MED28: variants seen among roughly 807,000 people sequenced by gnomAD.
MED28 encodes mediator of RNA polymerase II transcription subunit 28.
A neutral mutation model predicts 21.3 loss-of-function variants in MED28; 26 were observed. The observed-to-expected ratio is 1.22, with a 90% confidence interval of 0.89 to 1.69. The LOEUF is 1.69. Ranked by LOEUF, MED28 falls within the 40% of genes most tolerant of loss-of-function variation. The probability of loss-of-function intolerance (pLI) is 0.00; values close to 1 mark genes in which losing one functional copy is unlikely to be tolerated. For synonymous variants in MED28, 110 were observed against 87.6 expected, an observed-to-expected ratio of 1.26 and a Z score of -1.43; for missense variants, 257 against 215.4, an observed-to-expected ratio of 1.19 and a Z score of -1.21.
Position 17,632,886 on chromosome 4 carries a change from A to G in MED28, c.*9088A>G, listed in dbSNP as rs1577237729. 2 of 313,394 alleles carry G rather than the reference A, an allele frequency of 6.4e-6. No individual in the cohort carries two copies. Among genetic ancestry groups the G allele is most frequent in the South Asian group, 4.1e-5 (1 of 24,422 alleles). The allele number at this position is 313,394 out of a possible 1,614,324, so 19.4% of individuals were successfully genotyped here. A position where few individuals can be genotyped will look rare whatever the true frequency, so the allele number is the denominator to read the frequency against. The stretch of plus-strand genomic sequence containing the variant: ...TTTGAGACTTAGTGGTTGTAGCTCT[A>G]ATAATGCAGGATTAACCAAACCTAC... On this transcript the variant is annotated 3_prime_UTR_variant, in exon 4 of 4. Coordinates refer to ENST00000237380, the MANE Select transcript of MED28 (RefSeq NM_025205.5).
In MED28 at chr4:17,620,689, TCTC is replaced by T. The variant is rs1483679671; in HGVS notation, c.226+723_226+725del. 4.9e-3 allele frequency among the ~76,000 whole-genome samples: 583 copies of T among 120,026 alleles called. 7 individuals are homozygous for T. Among genetic ancestry groups the T allele is most frequent in the African/African-American group, 0.018 (549 of 30,074 alleles). 78.7% of individuals were successfully genotyped at this position (120,026 alleles called of 152,430 possible). A position where few individuals can be genotyped will look rare whatever the true frequency, so the allele number is the denominator to read the frequency against. On this transcript the variant is annotated intron_variant, in intron 2 of 3. Transcript: ENST00000237380. ...TGCTGATTGCTGGATCTCTGCATTG[TCTC>T]TTTTTTTTTTTTTTTTTTTTTGGAG... is the stretch of plus-strand genomic sequence containing the variant.
chr4:17,620,516 A>G (rs995774048), intron 2 of MED28, among the ~76,000 whole-genome samples: 8 of 152,118 alleles, frequency 5.3e-5, no homozygotes, highest in African/African-American at 1.9e-4. Flanking sequence ...TATTTTTAGT[A>G]GAGACGGGGT....
At chr4:17,616,749 C>T (rs909613308) in intron 1 of MED28, among the ~76,000 whole-genome samples, 14 of 152,168 alleles carry the variant, frequency 9.2e-5, no homozygotes, top group African/African-American at 2.9e-4. Context: ...ACCCCCACCC[C>T]TCACATTGTG....
Position 17,627,921 on chromosome 4 carries a change from G to T in MED28, c.*4123G>T, listed in dbSNP as rs1714809801. 6.6e-6 allele frequency: 1 copy of T among 152,182 alleles called. No homozygotes were observed. Among genetic ancestry groups the T allele is most frequent in the Admixed American group, 6.5e-5 (1 of 15,268 alleles). 9.4% of individuals were successfully genotyped at this position (152,182 alleles called of 1,614,324 possible). A position where few individuals can be genotyped will look rare whatever the true frequency, so the allele number is the denominator to read the frequency against. ...CTTTGGAGCTGTCCTGCCCTCTTTT[G>T]CCCCGGTGTTCCTTGGCCCACCTGT... On this transcript the variant is annotated 3_prime_UTR_variant, in exon 4 of 4. Coordinates refer to ENST00000237380, the MANE Select transcript of MED28 (RefSeq NM_025205.5).
chr4:17,618,013 C>CTTTTTT (rs529883796), intron 1 of MED28, among the ~76,000 whole-genome samples: 321 of 117,854 alleles, frequency 2.7e-3, no homozygotes, highest in East Asian at 4.3e-3. Flanking sequence ...CTTTTCTTTT[C>CTTTTTT]TTTTTTTTTT....
rs1248278084 is a variant in MED28 at position 17,631,619 on chromosome 4, T to C, written c.*7821T>C. The C allele has an allele frequency of 6.6e-6, 1 of 152,144 alleles. No homozygotes were observed. The highest frequency in any genetic ancestry group is 1.5e-5 in the Non-Finnish European group (1 of 68,046). The allele number at this position is 152,144 out of a possible 1,614,324, so 9.4% of individuals were successfully genotyped here. A position where few individuals can be genotyped will look rare whatever the true frequency, so the allele number is the denominator to read the frequency against. Reference sequence around the variant, plus strand: ...CTTAATTCCAATTCATGTTAATTTATGTTATCTTGCTTAATCCTTGCAAAG... The same window carrying C: ...CTTAATTCCAATTCATGTTAATTTACGTTATCTTGCTTAATCCTTGCAAAG... On this transcript the variant is annotated 3_prime_UTR_variant, in exon 4 of 4. Coordinates refer to ENST00000237380, the MANE Select transcript of MED28 (RefSeq NM_025205.5).
chr4:17,618,819 C>A (rs900257210), intron 1 of MED28, among the ~76,000 whole-genome samples: 15 of 152,154 alleles, frequency 9.9e-5, no homozygotes, highest in Admixed American at 3.9e-4. Context: ...GGATTACAGG[C>A]GTGAGCCACC....
Position 17,619,972 on chromosome 4 carries a change from G to A in MED28, c.226+5G>A, listed in dbSNP as rs1714569386. 1 of 1,613,040 alleles carries A rather than the reference G, an allele frequency of 6.2e-7. No homozygotes were observed. The highest frequency in any genetic ancestry group is 8.5e-7 in the Non-Finnish European group (1 of 1,179,112). The stretch of plus-strand genomic sequence containing the variant: ...ATCAGGAAGAAATTCGAACCGGTAA[G>A]CATTCCCTCTGTGTACACAATGTTC... On this transcript the variant is annotated splice_donor_5th_base_variant and intron_variant, in intron 2 of 3. Transcript: ENST00000237380.
rs1239131681 is a variant in MED28 at position 17,630,452 on chromosome 4, G to C, written c.*6654G>C. On this transcript the variant is annotated 3_prime_UTR_variant, in exon 4 of 4. Transcript: ENST00000237380. The stretch of plus-strand genomic sequence containing the variant: ...TCCACCATGTAAGGACACGTAGCAG[G>C]CACCCATTTCTGAAGAATGGGCCCT... 6.6e-6 allele frequency: 1 copy of C among 152,160 alleles called. No homozygotes were observed. Among genetic ancestry groups the C allele is most frequent in the African/African-American group, 2.4e-5 (1 of 41,432 alleles). The allele number at this position is 152,160 out of a possible 1,614,324, so 9.4% of individuals were successfully genotyped here.
Position 17,627,722 on chromosome 4 carries a change from A to G in MED28, c.*3924A>G, listed in dbSNP as rs140494873. 0.027 allele frequency: 4,084 copies of G among 152,986 alleles called. 97 individuals carry two copies. The highest frequency in any genetic ancestry group is 0.062 in the African/African-American group (2,587 of 41,578). The allele number at this position is 152,986 out of a possible 1,614,324, so 9.5% of individuals were successfully genotyped here. ...TAATGAGCAGTCTGAGGCCAGGCAC[A>G]GGAGGCTGAGGCAGGAGAATCGCTT... On this transcript the variant is annotated 3_prime_UTR_variant, in exon 4 of 4. Transcript: ENST00000237380.
rs1714982627 is a variant in MED28 at position 17,632,487 on chromosome 4, T to C, written c.*8689T>C. On this transcript the variant is annotated 3_prime_UTR_variant, in exon 4 of 4. Coordinates refer to ENST00000237380, the MANE Select transcript of MED28 (RefSeq NM_025205.5). ...ATTCCTTCAATCGGATGATTTAAAATAAATGTTTTTCAAGTATCCTCTGTG... is the reference window on the plus strand; with the variant it reads ...ATTCCTTCAATCGGATGATTTAAAACAAATGTTTTTCAAGTATCCTCTGTG... The C allele has an allele frequency of 7.1e-7, 1 of 1,408,660 alleles. No homozygotes were observed. Among genetic ancestry groups the C allele is most frequent in the African/African-American group, 1.4e-5 (1 of 69,734 alleles). The allele number at this position is 1,408,660 out of a possible 1,614,324, so 87.3% of individuals were successfully genotyped here. A position where few individuals can be genotyped will look rare whatever the true frequency, so the allele number is the denominator to read the frequency against.
At position 17,623,837 on chromosome 4, in the gene MED28, G is replaced by A; in HGVS notation, c.*39G>A. 1.3e-6 allele frequency: 2 copies of A among 1,577,950 alleles called. No homozygotes were observed. Among genetic ancestry groups the A allele is most frequent in the Non-Finnish European group, 1.7e-6 (2 of 1,156,828 alleles). On this transcript the variant is annotated 3_prime_UTR_variant, in exon 4 of 4. Coordinates refer to ENST00000237380, the MANE Select transcript of MED28 (RefSeq NM_025205.5). ...GCAGTTGGCCTATGAGTGGGCTGAT[G>A]CGTGAGGTTGGCCACACATTCCTTC...
chr4:17,619,493 GCA>G (rs1429175228), intron 1 of MED28, among the ~76,000 whole-genome samples: 1 of 152,174 alleles, frequency 6.6e-6, no homozygotes, highest in Non-Finnish European at 1.5e-5. Flanking sequence ...AGCAGGAGGG[GCA>G]CAGTTTAGAA....
chr4:17,617,630 G>A (rs1439921953), intron 1 of MED28, among the ~76,000 whole-genome samples: 3 of 152,232 alleles, frequency 2.0e-5, no homozygotes, highest in Admixed American at 2.0e-4. Flanking sequence ...TTTCTAGGCA[G>A]ATGCGGTGGC....
rs374545832 is a variant in MED28 at position 17,628,346 on chromosome 4, G to GTATATATA, written c.*4554_*4561dup. Reference sequence around the variant, plus strand: ...TGTGTGTATATATATATGTGTGTGTGTATATATATATATGCAATTATACCT... The same window carrying GTATATATA: ...TGTGTGTATATATATATGTGTGTGTGTATATATATATATATATATATGCAATTATACCT... On this transcript the variant is annotated 3_prime_UTR_variant, in exon 4 of 4. Transcript: ENST00000237380. 4.8e-4 allele frequency: 72 copies of GTATATATA among 150,634 alleles called. No individual in the cohort carries two copies. Among genetic ancestry groups the GTATATATA allele is most frequent in the African/African-American group, 1.7e-3 (69 of 41,030 alleles). The allele number at this position is 150,634 out of a possible 1,614,324, so 9.3% of individuals were successfully genotyped here. A position where few individuals can be genotyped will look rare whatever the true frequency, so the allele number is the denominator to read the frequency against.
chr4:17,632,267 G>T lies in MED28; in HGVS notation c.*8469G>T, dbSNP rs548602384. 41 of 241,734 alleles carry T rather than the reference G, an allele frequency of 1.7e-4. No individual in the cohort carries two copies. The South Asian group carries it at 2.6e-3, about 15-fold the overall frequency. 15.0% of individuals were successfully genotyped at this position (241,734 alleles called of 1,614,324 possible). A position where few individuals can be genotyped will look rare whatever the true frequency, so the allele number is the denominator to read the frequency against. On this transcript the variant is annotated 3_prime_UTR_variant, in exon 4 of 4. Coordinates refer to ENST00000237380, the MANE Select transcript of MED28 (RefSeq NM_025205.5). ...TTTTTGTATATTTTGTAGAGATGGG[G>T]TTTCACCATATTGGCCAGGCTGGTC...
Position 17,633,496 on chromosome 4 carries a change from C to T in MED28, c.*9698C>T, listed in dbSNP as rs949975538. Reference sequence around the variant, plus strand: ...AAGACTGTAATTTGAATTCAGACCTCCAGGCCAGATGGAGTCCACCTTTTG... The same window carrying T: ...AAGACTGTAATTTGAATTCAGACCTTCAGGCCAGATGGAGTCCACCTTTTG... On this transcript the variant is annotated 3_prime_UTR_variant, in exon 4 of 4. Coordinates refer to ENST00000237380, the MANE Select transcript of MED28 (RefSeq NM_025205.5). 2.8e-5 allele frequency: 14 copies of T among 507,490 alleles called. No homozygotes were observed. The African/African-American group carries it at 2.8e-4, about 10-fold the overall frequency. The allele number at this position is 507,490 out of a possible 1,614,324, so 31.4% of individuals were successfully genotyped here.
chr4:17,619,564 G>A (rs1222067612), intron 1 of MED28, among the ~76,000 whole-genome samples: 2 of 152,138 alleles, frequency 1.3e-5, no homozygotes, highest in African/African-American at 2.4e-5. Context: ...CTGAATGGGT[G>A]GTGATGTGAG....
chr4:17,616,631 C>T lies in MED28; in HGVS notation c.159+1818C>T, dbSNP rs112506427. On this transcript the variant is annotated intron_variant, in intron 1 of 3. Transcript: ENST00000237380. ...TTTGTTTTCTCTTTGGGCTTCCAGGCCGCTCCTCAGCTCACTGCATCACTT... is the reference window on the plus strand; with the variant it reads ...TTTGTTTTCTCTTTGGGCTTCCAGGTCGCTCCTCAGCTCACTGCATCACTT... Among the ~76,000 whole-genome samples, 26 of 152,322 alleles carry T rather than the reference C, an allele frequency of 1.7e-4. 2 individuals carry two copies. The highest frequency in any genetic ancestry group is 5.1e-4 in the African/African-American group (21 of 41,564).
Sources: gnomAD v4.1 joint callset for allele counts (sites outside exome capture counted in the v4.1 genomes callset) on GRCh38, gnomAD v4.1.1 for gene constraint, MANE v1.5 for transcripts, NCBI Gene and HGNC (gene_info 2026-07-23, HGNC 2026-07-21) for gene names.